GDPD5: variants seen among roughly 807,000 people sequenced by gnomAD.
GDPD5 encodes the protein glycerophosphodiester phosphodiesterase domain containing 5, also known as glycerophosphodiester phosphodiesterase 2.
A neutral mutation model predicts 75.1 loss-of-function variants in GDPD5; 48 were observed. The observed-to-expected ratio is 0.64, with a 90% CI of 0.51 to 0.81. The LOEUF (loss-of-function observed/expected upper bound fraction) is 0.81, where lower values mean the gene tolerates loss of function less well. Ranked by LOEUF, GDPD5 falls within the 40% of genes least tolerant of loss-of-function variation. GDPD5 has a pLI of 0.00. For missense variants in GDPD5, 706 were observed against 822.6 expected (o/e 0.86, Z 1.73); for synonymous variants, 336 against 339.0 (o/e 0.99, Z 0.10).
intron 1 of GDPD5, among the ~76,000 whole-genome samples, chr11:75,513,317 C>A (rs1950568967): frequency 6.6e-6 from 1 of 152,186 alleles, no homozygotes; most frequent in Admixed American, 6.5e-5. Flanking sequence ...GGCACACAGC[C>A]AGCAAGGCAG....
chr11:75,497,193 C>T (rs1196681578), intron 1 of GDPD5, among the ~76,000 whole-genome samples: 5 of 151,754 alleles, frequency 3.3e-5, no homozygotes, highest in Non-Finnish European at 2.9e-5. Context: ...TAGTCACCAA[C>T]GCACATTTCC....
intron 3 of GDPD5, among the ~76,000 whole-genome samples, chr11:75,468,504 A>T (rs1160952703): frequency 1.3e-5 from 2 of 152,238 alleles, no homozygotes; most frequent in Admixed American, 6.5e-5. Context: ...TTTGAATCCC[A>T]GACTGGCCAC....
At position 75,464,454 on chromosome 11, in the gene GDPD5, T is replaced by G. The variant is rs539989442; in HGVS notation, c.118-1565A>C. 2.0e-5 allele frequency among the ~76,000 whole-genome samples: 3 copies of G among 152,252 alleles called. No homozygotes were observed. In the East Asian group the frequency reaches 5.8e-4, roughly 29 times the overall value. ...CCTTCACACCCTAATGGTCCATGAC[T>G]CCATACCCACTAAGGGCCTGCTCCG... On this transcript the variant is annotated intron_variant, in intron 3 of 16. Transcript: ENST00000336898.
intron 10 of GDPD5, among the ~76,000 whole-genome samples, chr11:75,444,163 C>G (rs1332116000): frequency 6.6e-6 from 1 of 152,160 alleles, no homozygotes; most frequent in Non-Finnish European, 1.5e-5. Flanking sequence ...TGTTGTAGCT[C>G]TATCATCTAT....
chr11:75,508,687 C>T (rs1950453684), intron 1 of GDPD5, among the ~76,000 whole-genome samples: 1 of 152,182 alleles, frequency 6.6e-6, no homozygotes, highest in East Asian at 1.9e-4. Flanking sequence ...CTCTGCCTCC[C>T]CCACTGTGGC....
chr11:75,466,654 G>A (rs1949523106), intron 3 of GDPD5, among the ~76,000 whole-genome samples: 2 of 152,110 alleles, frequency 1.3e-5, no homozygotes, highest in South Asian at 4.1e-4. Flanking sequence ...CTCAGAGAAG[G>A]GCCACCACAT....
At chr11:75,456,394 G>T (rs1949286704) in intron 6 of GDPD5, 1 of 224,856 alleles carries the variant, frequency 4.4e-6, no homozygotes, top group South Asian at 1.2e-4. Flanking sequence ...CCCAGAGGGT[G>T]GGTGCCACAG....
intron 9 of GDPD5, among the ~76,000 whole-genome samples, 171 bp downstream of exon 9, chr11:75,448,806 A>G (rs1161748179): frequency 6.6e-6 from 1 of 152,222 alleles, no homozygotes; most frequent in Non-Finnish European, 1.5e-5. Context: ...AGGACGCTTC[A>G]AGATGTGCTT....
At chr11:75,511,439 C>T (rs1053469866) in intron 1 of GDPD5, among the ~76,000 whole-genome samples, 1 of 152,150 alleles carries the variant, frequency 6.6e-6, no homozygotes, top group African/African-American at 2.4e-5. Context: ...ATTGGGGTCC[C>T]TAATTCGTAT....
intron 1 of GDPD5, among the ~76,000 whole-genome samples, chr11:75,499,394 CT>C (rs376714511): frequency 1.3e-4 from 6 of 45,316 alleles, no homozygotes; most frequent in African/African-American, 2.2e-4. Context: ...TCTTCTTTTC[CT>C]TTTTTTTTTT....
At chr11:75,501,164 T>C (rs1292881466) in intron 1 of GDPD5, among the ~76,000 whole-genome samples, 1 of 152,214 alleles carries the variant, frequency 6.6e-6, no homozygotes, top group Non-Finnish European at 1.5e-5. Flanking sequence ...GTTTGCCACA[T>C]TGGTGAGGTC....
At chr11:75,457,875 G>A (rs183539328) in intron 4 of GDPD5, 89 bp from the exon 5 acceptor site, 14 of 960,762 alleles carry the variant, frequency 1.5e-5, no homozygotes, top group South Asian at 5.8e-5. Flanking sequence ...CCACACAGAC[G>A]ACAGGCTGGG....
At chr11:75,484,206 A>G (rs2135396159) in intron 2 of GDPD5, among the ~76,000 whole-genome samples, 1 of 152,276 alleles carries the variant, frequency 6.6e-6, no homozygotes, top group African/African-American at 2.4e-5. Context: ...CAACCCTCCC[A>G]CAAAAAAAGA....
intron 10 of GDPD5, among the ~76,000 whole-genome samples, chr11:75,443,552 C>A (rs1948895770): frequency 6.6e-6 from 1 of 152,320 alleles, no homozygotes; most frequent in African/African-American, 2.4e-5. Context: ...TCTGGACCTA[C>A]TCTCTTAGCA....
chr11:75,464,550 C>T (rs1048634253), intron 3 of GDPD5, among the ~76,000 whole-genome samples: 9 of 152,150 alleles, frequency 5.9e-5, no homozygotes, highest in African/African-American at 9.7e-5. Context: ...TTCAGTTGGG[C>T]GACTCATGTT....
At chr11:75,490,141 C>T (rs1372131574) in intron 2 of GDPD5, 96 bp downstream of exon 2, 2 of 152,088 alleles carry the variant, frequency 1.3e-5, no homozygotes, top group African/African-American at 4.8e-5. Flanking sequence ...TTCATAAACT[C>T]CCCCATGGGG....
At chr11:75,455,563 T>C (rs1949267735) in intron 6 of GDPD5, among the ~76,000 whole-genome samples, 2 of 152,204 alleles carry the variant, frequency 1.3e-5, no homozygotes, top group Non-Finnish European at 2.9e-5. Context: ...TCCTTTCCTA[T>C]TCCACATCCG....
intron 15 of GDPD5, among the ~76,000 whole-genome samples, 193 bp downstream of exon 15, chr11:75,439,686 C>A (rs1948730893): frequency 6.6e-6 from 1 of 152,174 alleles, no homozygotes; most frequent in African/African-American, 2.4e-5. Flanking sequence ...GGGATCCCAG[C>A]TGCATGTTCA....
chr11:75,472,219 A>G (rs1318898423), intron 3 of GDPD5, among the ~76,000 whole-genome samples: 1 of 152,070 alleles, frequency 6.6e-6, no homozygotes, highest in Non-Finnish European at 1.5e-5. Flanking sequence ...ACCTGAGATC[A>G]CACACTCAGT....
Sources: allele counts gnomAD v4.1 joint callset (sites outside exome capture counted in the v4.1 genomes callset), GRCh38; gene constraint gnomAD v4.1.1; transcripts MANE v1.5; gene names NCBI Gene and HGNC (gene_info 2026-07-23, HGNC 2026-07-21).